Variants in WDR72 observed in about 807,000 individuals in gnomAD.
The protein encoded by WDR72 is WD repeat-containing protein 72.
Under a neutral mutation model 124.2 loss-of-function variants are expected in WDR72, and 120 were observed. The ratio of observed to expected loss-of-function variants is 0.97; its 90% CI spans 0.83 to 1.12. WDR72 has a LOEUF of 1.12. WDR72 is among the 50% of genes most tolerant of loss of function. The probability of loss-of-function intolerance (pLI) is 0.00; values close to 1 mark genes in which losing one functional copy is unlikely to be tolerated. For synonymous variants in WDR72, 452 were observed against 441.7 expected (o/e 1.02, Z -0.29); for missense variants, 1,387 against 1,278.8 (o/e 1.08, Z -1.29).
chr15:53,517,168 G>A lies in WDR72; in HGVS notation c.*531C>T, dbSNP rs1891510054. On this transcript the variant is annotated 3_prime_UTR_variant, in exon 20 of 20. Coordinates refer to ENST00000360509, the MANE Select transcript of WDR72 (RefSeq NM_182758.4). ...TGGGTATTTGTTGACAACATTTCAT[G>A]CTTAGGGATGAGATTTACTGCAGTA... 6.2e-6 allele frequency: 1 copy of A among 162,454 alleles called. No homozygotes were observed. The highest frequency in any genetic ancestry group is 2.4e-5 in the African/African-American group (1 of 41,506). The allele number at this position is 162,454 out of a possible 1,614,324, so 10.1% of individuals were successfully genotyped here.
At position 53,517,455 on chromosome 15, in the gene WDR72, G is replaced by C; in HGVS notation, c.*244C>G. ...ACAGAAAAAGTAAGAAACAGGAATA[G>C]AGAATGATCTAGGCAATATTTTTCT... On this transcript the variant is annotated 3_prime_UTR_variant, in exon 20 of 20. Coordinates refer to ENST00000360509, the MANE Select transcript of WDR72 (RefSeq NM_182758.4). The C allele has an allele frequency of 2.1e-6, 1 of 476,374 alleles. No individual in the cohort carries two copies. The highest frequency in any genetic ancestry group is 3.8e-6 in the Non-Finnish European group (1 of 261,620). 29.5% of individuals were successfully genotyped at this position (476,374 alleles called of 1,614,324 possible).
At chr15:53,701,559 T>TCTCACACACACA (rs369568228) in intron 12 of WDR72, among the ~76,000 whole-genome samples, 1 of 120,100 alleles carries the variant, frequency 8.3e-6, no homozygotes, top group African/African-American at 2.9e-5. Context: ...TCTCTCTCTC[T>TCTCACACACACA]CACACACACA....
chr15:53,723,353 T>C (rs2017931838), intron 2 of WDR72, among the ~76,000 whole-genome samples: 1 of 152,310 alleles, frequency 6.6e-6, no homozygotes, highest in South Asian at 2.1e-4. Context: ...GGAATGTAAA[T>C]TGGTACAGCT....
In WDR72 at chr15:53,707,797, T is replaced by A. The variant is rs187615414; in HGVS notation, c.955-1723A>T. On this transcript the variant is annotated intron_variant, in intron 9 of 19. Transcript: ENST00000360509. ...CACTTTGGTGTCTTACAGCCATGAT[T>A]TTTATAGCTATTTGAAATGGTGTTG... Among the ~76,000 whole-genome samples the A allele has an allele frequency of 3.0e-4, 46 of 152,300 alleles. 1 individual carries two copies. Among genetic ancestry groups the A allele is most frequent in the Admixed American group, 1.2e-3 (18 of 15,292 alleles).
chr15:53,701,594 C>CAG (rs1567036571), intron 12 of WDR72, among the ~76,000 whole-genome samples: 2 of 148,084 alleles, frequency 1.4e-5, no homozygotes, highest in East Asian at 2.0e-4. Flanking sequence ...CACACACACA[C>CAG]AGAAGACAAA....
At position 53,735,937 on chromosome 15, in the gene WDR72, G is replaced by A. The variant is rs546951219; in HGVS notation, c.-12-2776C>T. Among the ~76,000 whole-genome samples, 14 of 149,474 alleles carry A rather than the reference G, an allele frequency of 9.4e-5. No homozygotes were observed. In the South Asian group the frequency reaches 1.0e-3, roughly 11 times the overall value. On this transcript the variant is annotated intron_variant, in intron 1 of 19. Coordinates refer to ENST00000360509, the MANE Select transcript of WDR72 (RefSeq NM_182758.4). ...TTACTTCTAGAAATAAAACATAATC[G>A]TTAAAATATAACAAATCTCAAAAGG...
At chr15:53,561,237 A>C (rs995881629) in intron 18 of WDR72, among the ~76,000 whole-genome samples, 3 of 151,824 alleles carry the variant, frequency 2.0e-5, no homozygotes, top group Non-Finnish European at 4.4e-5. Context: ...TGCACTACTA[A>C]GACCTAGTAT....
At chr15:53,663,653 A>G (rs974703732) in intron 14 of WDR72, among the ~76,000 whole-genome samples, 1 of 152,154 alleles carries the variant, frequency 6.6e-6, no homozygotes, top group Non-Finnish European at 1.5e-5. Flanking sequence ...CGCATAGGTC[A>G]AGAGACATTC....
At chr15:53,559,331 A>G (rs1894049060) in intron 18 of WDR72, among the ~76,000 whole-genome samples, 1 of 152,058 alleles carries the variant, frequency 6.6e-6, no homozygotes, top group Admixed American at 6.6e-5. Flanking sequence ...TGAAAGTTTA[A>G]GAAAAAACAT....
chr15:53,667,594 C>T (rs575708390), intron 13 of WDR72, among the ~76,000 whole-genome samples: 102 of 152,260 alleles, frequency 6.7e-4, no homozygotes, highest in African/African-American at 2.5e-3. Context: ...ATTACTGCTT[C>T]CTGAAAACTA....
intron 16 of WDR72, 34 bp from the exon 17 acceptor site, chr15:53,609,626 A>C (rs775661473): frequency 1.3e-6 from 2 of 1,574,996 alleles, no homozygotes; most frequent in Non-Finnish European, 8.7e-7. Flanking sequence ...GTATCTTTAG[A>C]GTATTAAAAA....
chr15:53,583,436 G>GA (rs11387535), intron 18 of WDR72, among the ~76,000 whole-genome samples: 43,696 of 151,714 alleles, frequency 0.29, 7,535 homozygotes, highest in Middle Eastern at 0.56. Flanking sequence ...AGTTCATTTG[G>GA]AAAACTTGAA....
chr15:53,669,775 A>T (rs974067580), intron 13 of WDR72, among the ~76,000 whole-genome samples: 4 of 152,242 alleles, frequency 2.6e-5, no homozygotes, highest in Non-Finnish European at 4.4e-5. Flanking sequence ...ATGCCTTTGC[A>T]ACTCTAATAT....
At chr15:53,646,031 A>G (rs1320766859) in intron 14 of WDR72, among the ~76,000 whole-genome samples, 2 of 152,222 alleles carry the variant, frequency 1.3e-5, no homozygotes, top group Admixed American at 1.3e-4. Context: ...TTACAGGAAT[A>G]AGGTGATGAT....
At chr15:53,668,002 C>T (rs2015839057) in intron 13 of WDR72, among the ~76,000 whole-genome samples, 1 of 152,090 alleles carries the variant, frequency 6.6e-6, no homozygotes, top group Non-Finnish European at 1.5e-5. Context: ...TCCACCATGC[C>T]AGATGATGAC....
intron 2 of WDR72, among the ~76,000 whole-genome samples, chr15:53,723,647 T>C (rs2017939987): frequency 6.6e-6 from 1 of 152,156 alleles, no homozygotes; most frequent in South Asian, 2.1e-4. Flanking sequence ...CCACACCCCA[T>C]GCCCCATCAC....
intron 2 of WDR72, 43 bp from the exon 3 acceptor site, chr15:53,722,951 T>C (rs768794945): frequency 1.9e-5 from 30 of 1,554,152 alleles, no homozygotes; most frequent in Middle Eastern, 1.7e-4. Flanking sequence ...TGTAAACTGT[T>C]TGAAGAATAA....
At chr15:53,714,799 C>A in intron 5 of WDR72, among the ~76,000 whole-genome samples, 1 of 152,166 alleles carries the variant, frequency 6.6e-6, no homozygotes, top group East Asian at 1.9e-4. Flanking sequence ...GAGGCGCCAA[C>A]TTCCACTTCC....
At chr15:53,539,465 ATATACT>A (rs1892951396) in intron 18 of WDR72, among the ~76,000 whole-genome samples, 1 of 152,270 alleles carries the variant, frequency 6.6e-6, no homozygotes, top group African/African-American at 2.4e-5. Flanking sequence ...ATAGTAATAC[ATATACT>A]TAGTAGTATA....
Sources: gnomAD v4.1 joint callset for allele counts (sites outside exome capture counted in the v4.1 genomes callset) on GRCh38, gnomAD v4.1.1 for gene constraint, MANE v1.5 for transcripts, NCBI Gene and HGNC (gene_info 2026-07-23, HGNC 2026-07-21) for gene names.